MACROD2: variants seen among roughly 807,000 people sequenced by gnomAD.
MACROD2 encodes the protein ADP-ribose glycohydrolase MACROD2.
Under a neutral mutation model 70.4 loss-of-function variants are expected in MACROD2, and 36 were observed. That is an observed-to-expected ratio of 0.51 (90% confidence interval 0.39 to 0.68). MACROD2 has a LOEUF of 0.68. MACROD2 is among the 30% of genes least tolerant of loss of function. MACROD2 has a pLI of 0.00. For missense variants in MACROD2, 496 were observed against 538.4 expected, an observed-to-expected ratio of 0.92 and a Z score of 0.78; for synonymous variants, 172 against 178.8, an observed-to-expected ratio of 0.96 and a Z score of 0.30.
chr20:14,685,004 A>C, intron 5 of MACROD2, 45 bp downstream of exon 5: 1 of 1,461,016 alleles, frequency 6.8e-7, no homozygotes, highest in Non-Finnish European at 9.6e-7. Context: ...GAGACATCTT[A>C]ACTTGTTTTA....
In MACROD2 at chr20:14,255,162, CCCTTAACAATATTAA is replaced by C. The variant is rs543642059; in HGVS notation, c.271+169441_271+169455del. ...GTAACCCGACCTTTCTCTCTGGCTG[CCCTTAACAATATTAA>C]CCTTAAATGTAAATGGGCTAAATGC... On this transcript the variant is annotated intron_variant, in intron 3 of 17. Coordinates refer to ENST00000684519, the MANE Select transcript of MACROD2 (RefSeq NM_001351661.2). Among the ~76,000 whole-genome samples the C allele has an allele frequency of 7.2e-5, 11 of 152,098 alleles. No individual in the cohort carries two copies. In the South Asian group the frequency reaches 2.3e-3, roughly 32 times the overall value.
At chr20:15,914,114 A>G (rs1448844961) in intron 10 of MACROD2, among the ~76,000 whole-genome samples, 1 of 152,260 alleles carries the variant, frequency 6.6e-6, no homozygotes, top group Non-Finnish European at 1.5e-5. Context: ...TGGTAGTTAC[A>G]GTTACAGGAA....
chr20:14,487,181 G>A (rs747115753), intron 3 of MACROD2, among the ~76,000 whole-genome samples: 1 of 152,206 alleles, frequency 6.6e-6, no homozygotes, highest in African/African-American at 2.4e-5. Context: ...TCCAAGGAAT[G>A]ACACTGTAAA....
At chr20:14,191,127 G>A (rs1016318393) in intron 3 of MACROD2, among the ~76,000 whole-genome samples, 7 of 152,082 alleles carry the variant, frequency 4.6e-5, no homozygotes, top group East Asian at 1.9e-4. Context: ...TCTTGTGTAC[G>A]TATTGCTTCA....
At chr20:14,418,815 A>G (rs955348660) in intron 3 of MACROD2, among the ~76,000 whole-genome samples, 33 of 152,186 alleles carry the variant, frequency 2.2e-4, no homozygotes, top group African/African-American at 6.8e-4. Context: ...TACATGCACT[A>G]GAATGTAGTG....
chr20:14,854,942 G>T (rs1183404429), intron 5 of MACROD2, among the ~76,000 whole-genome samples: 1 of 152,032 alleles, frequency 6.6e-6, no homozygotes, highest in African/African-American at 2.4e-5. Flanking sequence ...CGTGAACCCG[G>T]CAGACGGAGC....
chr20:14,199,087 T>C (rs1258577562), intron 3 of MACROD2, among the ~76,000 whole-genome samples: 1 of 152,150 alleles, frequency 6.6e-6, no homozygotes, highest in Non-Finnish European at 1.5e-5. Context: ...ATTTGACCTT[T>C]GGTTGGTACT....
chr20:15,344,587 A>G (rs1357347512), intron 6 of MACROD2, among the ~76,000 whole-genome samples: 2 of 152,124 alleles, frequency 1.3e-5, no homozygotes, highest in Non-Finnish European at 2.9e-5. Context: ...ATGTTCTCCC[A>G]GAGAACATCA....
chr20:15,118,849 C>A (rs2076010578), intron 5 of MACROD2, among the ~76,000 whole-genome samples: 1 of 152,226 alleles, frequency 6.6e-6, no homozygotes, highest in Admixed American at 6.5e-5. Context: ...AATACAGCCA[C>A]TTCCAGAGAG....
chr20:15,463,270 C>G lies in MACROD2; in HGVS notation c.571+31835C>G, dbSNP rs563130145. On this transcript the variant is annotated intron_variant, in intron 7 of 17. Coordinates refer to ENST00000684519, the MANE Select transcript of MACROD2 (RefSeq NM_001351661.2). ...AGGATTCTGAGAGCTAGTTTGGGTT[C>G]AGAGCAAAGAGTACTGTCATTAATT... 2.2e-4 allele frequency among the ~76,000 whole-genome samples: 33 copies of G among 152,220 alleles called. No homozygotes were observed. The Middle Eastern group carries it at 0.014, about 63-fold the overall frequency.
In MACROD2 at chr20:14,596,127, C is replaced by T. The variant is rs1232108960; in HGVS notation, c.302-88716C>T. On this transcript the variant is annotated intron_variant, in intron 4 of 17. Coordinates refer to ENST00000684519, the MANE Select transcript of MACROD2 (RefSeq NM_001351661.2). ...TTTAGACGGAGTCGCCCTCTGTGGC[C>T]CAGGCTGGAGTGCAGTGGCACGATC... Among the ~76,000 whole-genome samples the T allele has an allele frequency of 2.6e-5, 4 of 151,642 alleles. No individual in the cohort carries two copies. The South Asian group carries it at 8.3e-4, about 32-fold the overall frequency.
rs938868537 is a variant in MACROD2, at chr20:14,719,657, TA to T, written c.418+34707del. 2.7e-4 allele frequency among the ~76,000 whole-genome samples: 41 copies of T among 151,236 alleles called. 1 individual carries two copies. The highest frequency in any genetic ancestry group is 9.7e-4 in the East Asian group (5 of 5,162). Reference sequence around the variant, plus strand: ...AAACCATCCTAAAATGTGCCCCTCTTAAAAAAAAATGAGTGCCATAATACTT... The same window carrying T: ...AAACCATCCTAAAATGTGCCCCTCTTAAAAAAAATGAGTGCCATAATACTT... On this transcript the variant is annotated intron_variant, in intron 5 of 17. Coordinates refer to ENST00000684519, the MANE Select transcript of MACROD2 (RefSeq NM_001351661.2).
intron 3 of MACROD2, among the ~76,000 whole-genome samples, chr20:14,173,686 A>G (rs911308602): frequency 1.3e-5 from 2 of 152,178 alleles, no homozygotes; most frequent in African/African-American, 4.8e-5. Context: ...GGAGTGTTAA[A>G]GAACCTTGTT....
chr20:14,159,065 C>T (rs1056185827), intron 3 of MACROD2, among the ~76,000 whole-genome samples: 1 of 152,192 alleles, frequency 6.6e-6, no homozygotes, highest in African/African-American at 2.4e-5. Flanking sequence ...AGTGAAACTC[C>T]ATCTCTACTA....
intron 5 of MACROD2, among the ~76,000 whole-genome samples, chr20:14,862,700 A>T (rs1183905744): frequency 3.2e-4 from 19 of 60,188 alleles, no homozygotes; most frequent in Admixed American, 5.6e-4. Flanking sequence ...AATATATATA[A>T]ATATATATAT....
chr20:15,718,741 C>G (rs34742783), intron 8 of MACROD2, among the ~76,000 whole-genome samples: 14,557 of 152,178 alleles, frequency 0.096, 750 homozygotes, highest in East Asian at 0.15. Context: ...CCATGACTTA[C>G]GGGGGAAGTT....
intron 8 of MACROD2, among the ~76,000 whole-genome samples, chr20:15,564,461 C>A (rs2048285585): frequency 6.6e-6 from 1 of 152,166 alleles, no homozygotes; most frequent in Non-Finnish European, 1.5e-5. Flanking sequence ...TATTTTCATG[C>A]TACTACCCAC....
At position 14,665,294 on chromosome 20, in the gene MACROD2, G is replaced by A. The variant is rs1343677864; in HGVS notation, c.302-19549G>A. On this transcript the variant is annotated intron_variant, in intron 4 of 17. Coordinates refer to ENST00000684519, the MANE Select transcript of MACROD2 (RefSeq NM_001351661.2). The stretch of plus-strand genomic sequence containing the variant: ...TTAGTGACCAGAATTAACTGGTCAA[G>A]AGTTAGGGGGGTATTGCCAGTTAAG... 2.6e-5 allele frequency among the ~76,000 whole-genome samples: 4 copies of A among 151,898 alleles called. No individual in the cohort carries two copies. The East Asian group carries it at 7.7e-4, about 29-fold the overall frequency.
chr20:15,462,796 T>C (rs1360523840), intron 7 of MACROD2, among the ~76,000 whole-genome samples: 1 of 152,140 alleles, frequency 6.6e-6, no homozygotes, highest in East Asian at 1.9e-4. Context: ...GTCTGCCTTG[T>C]GGGAACTATA....
Sources: allele counts gnomAD v4.1 joint callset (sites outside exome capture counted in the v4.1 genomes callset), GRCh38; gene constraint gnomAD v4.1.1; transcripts MANE v1.5; gene names NCBI Gene and HGNC (gene_info 2026-07-23, HGNC 2026-07-21).